Variants in ICE1 observed in about 807,000 individuals in gnomAD.
The protein encoded by ICE1 is interactor of little elongation complex ELL subunit 1.
In ICE1, 64 loss-of-function variants were observed where a neutral mutation model predicts 192.7. The observed-to-expected ratio is 0.33, with a 90% CI of 0.27 to 0.41. The LOEUF is 0.41. Among genes scored for constraint, ICE1 ranks in the 10% least tolerant of loss-of-function variants. ICE1 has a pLI of 1.00. For missense variants in ICE1, 2,708 were observed against 2,696.0 expected, an observed-to-expected ratio of 1.00 and a Z score of -0.10; for synonymous variants, 1,010 against 984.5, an observed-to-expected ratio of 1.03 and a Z score of -0.49.
chr5:5,442,539 C>T (rs953918074), intron 5 of ICE1, among the ~76,000 whole-genome samples: 1 of 152,086 alleles, frequency 6.6e-6, no homozygotes, highest in African/African-American at 2.4e-5. Context: ...TAATGATAAC[C>T]CTCATTAGTT....
intron 5 of ICE1, 54 bp downstream of exon 5, chr5:5,441,277 T>C: frequency 8.6e-7 from 1 of 1,156,318 alleles, no homozygotes; most frequent in Middle Eastern, 2.0e-4. Flanking sequence ...AGGATGAGCT[T>C]ATTCGGTATA....
chr5:5,430,647 G>A (rs1272255580), intron 1 of ICE1, among the ~76,000 whole-genome samples: 1 of 152,164 alleles, frequency 6.6e-6, no homozygotes, highest in Non-Finnish European at 1.5e-5. Flanking sequence ...TTGTTAAATA[G>A]TAGACTCATT....
chr5:5,480,338 C>T (rs1370647179), intron 17 of ICE1, among the ~76,000 whole-genome samples: 4 of 150,666 alleles, frequency 2.7e-5, no homozygotes, highest in African/African-American at 9.9e-5. Context: ...CAAGCTCCGC[C>T]TCCCGGGTTT....
intron 10 of ICE1, among the ~76,000 whole-genome samples, chr5:5,451,029 A>G (rs1738400343): frequency 6.6e-6 from 1 of 152,206 alleles, no homozygotes; most frequent in Non-Finnish European, 1.5e-5. Context: ...TTTCAAATGT[A>G]TAAAAGTTGA....
In ICE1 at chr5:5,460,475, G is replaced by A. The variant is rs1738735337; in HGVS notation, c.1141G>A (p.Asp381Asn). 6.2e-7 allele frequency: 1 copy of A among 1,606,010 alleles called. No homozygotes were observed. Among genetic ancestry groups the A allele is most frequent in the Non-Finnish European group, 8.5e-7 (1 of 1,175,928 alleles). ...AGAATACACAGATTCCAGCGATAATGACTCAGTCCAGCTTAGAAATTCTGC... is the reference window on the plus strand; with the variant it reads ...AGAATACACAGATTCCAGCGATAATAACTCAGTCCAGCTTAGAAATTCTGC... ...FGEYTDSSDN[D>N]SVQLRNSAEC... Residue 381 changes from aspartate (D) to asparagine (N), a missense_variant, in exon 13 of 19, where the codon GAC becomes AAC. Physicochemically the swap from Asp to Asn is conservative, Grantham distance 23 (BLOSUM62 1). Transcript: ENST00000296564.
rs1738766385 is a variant in ICE1 at position 5,461,252 on chromosome 5, T to A, written c.1918T>A (p.Ser640Thr). 6.2e-7 allele frequency: 1 copy of A among 1,613,980 alleles called. No homozygotes were observed. The highest frequency in any genetic ancestry group is 1.7e-5 in the Admixed American group (1 of 60,032). ...FSSSSTLVAL[S>T]VGSNPQSSSG... ...TTCCTCTTCTACCTTGGTAGCATTG[T>A]CTGTTGGCAGTAATCCCCAGTCTTC... The change falls in exon 13 of 19, where the codon TCT becomes ACT. Residue 640 changes from serine (S) to threonine (T), a missense_variant. Transcript: ENST00000296564.
chr5:5,471,666 A>G (rs1206694913), intron 15 of ICE1, among the ~76,000 whole-genome samples: 1 of 152,088 alleles, frequency 6.6e-6, no homozygotes, highest in Non-Finnish European at 1.5e-5. Flanking sequence ...TAAAGAAGAA[A>G]CCCCCATGGG....
chr5:5,462,573 G>T lies in ICE1; in HGVS notation c.3239G>T (p.Gly1080Val), dbSNP rs761944533. The T allele has an allele frequency of 6.2e-7, 1 of 1,613,982 alleles. No homozygotes were observed. The change falls in exon 13 of 19, where the codon GGA becomes GTA. Residue 1080 changes from glycine (G) to valine (V), a missense_variant. Around this residue, in one of 2 missense-constraint regions of ICE1, gnomAD observed 2,366 missense variants for 2,276.6 expected, o/e 1.04. Transcript: ENST00000296564. The stretch of plus-strand genomic sequence containing the variant: ...TCTTCAGCATTTTGCAGAAAACATG[G>T]AGAGACACAGGATACCTCCCAAAGT... ...TFSSAFCRKH[G>V]ETQDTSQSSL... is the part of the protein sequence containing the mutation.
intron 1 of ICE1, among the ~76,000 whole-genome samples, chr5:5,423,701 C>T (rs1380581494): frequency 1.3e-5 from 2 of 152,106 alleles, no homozygotes; most frequent in Non-Finnish European, 2.9e-5. Context: ...GCAATAGTGC[C>T]CCTCATTTCC....
intron 1 of ICE1, among the ~76,000 whole-genome samples, chr5:5,428,299 C>T (rs1200430608): frequency 6.6e-6 from 1 of 152,050 alleles, no homozygotes; most frequent in Non-Finnish European, 1.5e-5. Flanking sequence ...TGAGAAGACA[C>T]ACTCATCTCT....
chr5:5,479,780 G>T (rs1466398742), intron 17 of ICE1, among the ~76,000 whole-genome samples: 1 of 152,162 alleles, frequency 6.6e-6, no homozygotes, highest in Non-Finnish European at 1.5e-5. Flanking sequence ...AATGAGTTAT[G>T]TCCTTTGCAG....
In ICE1 at chr5:5,460,680, T is replaced by A; in HGVS notation, c.1346T>A (p.Leu449Gln). ...GGACTCGAGACTTTCACAGCAACAC[T>A]GAGAGAATCTTCTGCCACACACTCC... ...TSGLETFTAT[L>Q]RESSATHSLV... The change falls in exon 13 of 19, where the codon CTG (leucine) becomes CAG (glutamine). Residue 449 changes from leucine to glutamine, a missense_variant. Physicochemically the swap from Leu to Gln is moderately radical, Grantham distance 113. Around this residue, in one of 2 missense-constraint regions of ICE1, gnomAD observed 2,366 missense variants for 2,276.6 expected, o/e 1.04. Coordinates refer to ENST00000296564, the MANE Select transcript of ICE1 (RefSeq NM_015325.3). 1 of 1,613,958 alleles carries A rather than the reference T, an allele frequency of 6.2e-7. No individual in the cohort carries two copies. Among genetic ancestry groups the A allele is most frequent in the South Asian group, 1.1e-5 (1 of 91,088 alleles).
intron 7 of ICE1, among the ~76,000 whole-genome samples, chr5:5,444,549 G>A (rs2111352019): frequency 6.6e-6 from 1 of 152,264 alleles, no homozygotes; most frequent in East Asian, 1.9e-4. Flanking sequence ...TCTCCGAAAT[G>A]TTACTGCACT....
intron 7 of ICE1, among the ~76,000 whole-genome samples, chr5:5,445,312 A>G (rs1323651243): frequency 6.6e-6 from 1 of 152,248 alleles, no homozygotes; most frequent in East Asian, 1.9e-4. Flanking sequence ...TACTGACAAT[A>G]TGGCAGTAAG....
At chr5:5,444,403 G>T in intron 7 of ICE1, 77 bp downstream of exon 7, 2 of 976,398 alleles carry the variant, frequency 2.0e-6, no homozygotes, top group South Asian at 3.0e-5. Context: ...GGTACTTCTT[G>T]ATCAAATAGT....
intron 18 of ICE1, among the ~76,000 whole-genome samples, chr5:5,487,496 A>G (rs1286625837): frequency 6.6e-6 from 1 of 152,202 alleles, no homozygotes; most frequent in Non-Finnish European, 1.5e-5. Flanking sequence ...TGATCTTAAC[A>G]TGGTAGGTTG....
chr5:5,440,810 C>A (rs1351155053), intron 4 of ICE1, among the ~76,000 whole-genome samples: 2 of 151,768 alleles, frequency 1.3e-5, no homozygotes. Flanking sequence ...TCACTTGAGC[C>A]TGGGAGATTG....
At chr5:5,454,381 G>T (rs1056571229) in intron 10 of ICE1, among the ~76,000 whole-genome samples, 171 bp from the exon 11 acceptor site, 1 of 152,020 alleles carries the variant, frequency 6.6e-6, no homozygotes, top group Non-Finnish European at 1.5e-5. Context: ...CTTAAGTATT[G>T]CAGACCTTTT....
rs577778462 is a variant in ICE1, at chr5:5,423,177, G to A, written c.84+178G>A. ...TTTTTCCTACATGAGTTTTGGGGAC[G>A]GCTTTCTTTGCTTTATTTAAGCTTG... is the stretch of plus-strand genomic sequence containing the variant. On this transcript the variant is annotated intron_variant, in intron 1 of 18. Coordinates refer to ENST00000296564, the MANE Select transcript of ICE1 (RefSeq NM_015325.3). Among the ~76,000 whole-genome samples the A allele has an allele frequency of 5.3e-5, 8 of 152,214 alleles. No individual in the cohort carries two copies. In the South Asian group the frequency reaches 6.2e-4, roughly 12 times the overall value.
Sources: gnomAD v4.1 joint callset for allele counts (sites outside exome capture counted in the v4.1 genomes callset) on GRCh38, gnomAD v4.1.1 for gene constraint, gnomAD v4.1.1 regional missense constraint, MANE v1.5 for transcripts, NCBI Gene and HGNC (gene_info 2026-07-23, HGNC 2026-07-21) for gene names.